The following CFAP20DC variants were observed in gnomAD, a reference collection of about 807,000 sequenced individuals.
CFAP20DC encodes CFAP20 domain containing.
Under a neutral mutation model 101.7 loss-of-function variants are expected in CFAP20DC, and 84 were observed. That is an observed-to-expected ratio of 0.83 (90% CI 0.69 to 0.99). The LOEUF (loss-of-function observed/expected upper bound fraction) is 0.99. Among genes scored for constraint, CFAP20DC ranks in the 50% least tolerant of loss-of-function variants. The probability of loss-of-function intolerance (pLI) is 0.00; values close to 1 mark genes in which losing one functional copy is unlikely to be tolerated. For synonymous variants in CFAP20DC, 359 were observed against 351.2 expected (o/e 1.02, Z -0.25); for missense variants, 1,007 against 970.3 (o/e 1.04, Z -0.50).
intron 3 of CFAP20DC, among the ~76,000 whole-genome samples, chr3:59,041,727 C>T (rs1699404930): frequency 6.6e-6 from 1 of 152,182 alleles, no homozygotes; most frequent in South Asian, 2.1e-4. Flanking sequence ...TTTTCTCCCA[C>T]TTCAACACAC....
intron 7 of CFAP20DC, among the ~76,000 whole-genome samples, chr3:58,871,901 AAT>A (rs1210111889): frequency 6.6e-6 from 1 of 152,056 alleles, no homozygotes; most frequent in Non-Finnish European, 1.5e-5. Context: ...CTCCCAGCAG[AAT>A]CCCCCATGCT....
At chr3:58,848,562 A>G (rs2077935688) in intron 13 of CFAP20DC, among the ~76,000 whole-genome samples, 1 of 152,168 alleles carries the variant, frequency 6.6e-6, no homozygotes, top group South Asian at 2.1e-4. Flanking sequence ...TTATTCGATG[A>G]CACTGTTTTA....
At chr3:58,969,656 TA>T (rs954689319) in intron 4 of CFAP20DC, among the ~76,000 whole-genome samples, 13 of 152,338 alleles carry the variant, frequency 8.5e-5, no homozygotes, top group African/African-American at 3.1e-4. Flanking sequence ...AATAAATCAC[TA>T]ATATCCATGT....
chr3:58,975,327 C>T (rs767397441), intron 4 of CFAP20DC, among the ~76,000 whole-genome samples: 1 of 152,142 alleles, frequency 6.6e-6, no homozygotes, highest in African/African-American at 2.4e-5. Flanking sequence ...TTTCTGTCTT[C>T]TCCTCCAGAA....
At chr3:58,843,801 T>C (rs1199134733) in intron 13 of CFAP20DC, among the ~76,000 whole-genome samples, 2 of 148,282 alleles carry the variant, frequency 1.3e-5, no homozygotes, top group African/African-American at 5.0e-5. Context: ...CCCATCAGAC[T>C]AACAGCGGAT....
chr3:58,988,063 AAACTC>A (rs1194541072), intron 4 of CFAP20DC, among the ~76,000 whole-genome samples: 1 of 152,116 alleles, frequency 6.6e-6, no homozygotes, highest in Non-Finnish European at 1.5e-5. Context: ...AAAGGAAAGA[AAACTC>A]AGTCTAACAA....
chr3:58,785,887 C>T (rs781780907), intron 15 of CFAP20DC, among the ~76,000 whole-genome samples: 1 of 152,088 alleles, frequency 6.6e-6, no homozygotes, highest in Non-Finnish European at 1.5e-5. Context: ...TTTAGGAGCT[C>T]AGAGATGGCC....
rs375567701 is a variant in CFAP20DC, at chr3:58,821,302, G to A, written c.2175+10384C>T. On this transcript the variant is annotated intron_variant, in intron 14 of 16. Transcript: ENST00000482387. ...AGACAAAATTGACAAATGGGATCTA[G>A]TTAAACTAAAGAGCTTCTGCACAGC... 8.6e-5 allele frequency among the ~76,000 whole-genome samples: 13 copies of A among 151,518 alleles called. No individual in the cohort carries two copies. The East Asian group carries it at 1.4e-3, about 16-fold the overall frequency.
Position 58,817,960 on chromosome 3 carries a change from G to A in CFAP20DC, c.2176-11504C>T, listed in dbSNP as rs1279385736. ...GGATCTCTCGGCAGAAACTCTACAAGCCAGAAGAGAGTGGGAGCCAATATT... is the reference window on the plus strand; with the variant it reads ...GGATCTCTCGGCAGAAACTCTACAAACCAGAAGAGAGTGGGAGCCAATATT... On this transcript the variant is annotated intron_variant, in intron 14 of 16. Transcript: ENST00000482387. 3.4e-4 allele frequency among the ~76,000 whole-genome samples: 51 copies of A among 150,474 alleles called. 1 individual carries two copies. Among genetic ancestry groups the A allele is most frequent in the Admixed American group, 1.3e-3 (19 of 15,190 alleles).
chr3:58,829,512 T>C (rs1394625597), intron 14 of CFAP20DC, among the ~76,000 whole-genome samples: 2 of 152,222 alleles, frequency 1.3e-5, no homozygotes, highest in African/African-American at 4.8e-5. Context: ...CATTAAGGAA[T>C]ACAATTTTCC....
At chr3:58,978,624 G>A (rs910531404) in intron 4 of CFAP20DC, among the ~76,000 whole-genome samples, 8 of 151,232 alleles carry the variant, frequency 5.3e-5, no homozygotes, top group Non-Finnish European at 1.2e-4. Flanking sequence ...CATGAGAATT[G>A]CTTGAACCTG....
At chr3:58,837,190 C>T (rs1363367106) in intron 13 of CFAP20DC, among the ~76,000 whole-genome samples, 1 of 152,186 alleles carries the variant, frequency 6.6e-6, no homozygotes, top group Non-Finnish European at 1.5e-5. Context: ...GACCAGATGG[C>T]TTCCCTTTCC....
rs1490045365 is a variant in CFAP20DC at position 58,799,190 on chromosome 3, C to G, written c.2237+7205G>C. ...CCTTCTGCAGCAGTGGCAACCCAAC[C>G]AGATTTCTAGCAAGTGGTACTCTGA... On this transcript the variant is annotated intron_variant, in intron 15 of 16. Transcript: ENST00000482387. The surrounding 1 kb of genome is among the most constrained non-coding windows in gnomAD (Gnocchi z 4.9). Among the ~76,000 whole-genome samples the G allele has an allele frequency of 6.6e-6, 1 of 152,034 alleles. No individual in the cohort carries two copies. The highest frequency in any genetic ancestry group is 1.5e-5 in the Non-Finnish European group (1 of 68,018).
chr3:58,862,694 G>A (rs2079349714), intron 12 of CFAP20DC: 1 of 974,508 alleles, frequency 1.0e-6, no homozygotes, highest in Non-Finnish European at 1.2e-6. Context: ...TATTTTGTGG[G>A]CACATATAAA....
rs1208109532 is a variant in CFAP20DC at position 58,868,979 on chromosome 3, T to C, written c.1015+349A>G. 6.6e-6 allele frequency among the ~76,000 whole-genome samples: 1 copy of C among 152,136 alleles called. No individual in the cohort carries two copies. Among genetic ancestry groups the C allele is most frequent in the Non-Finnish European group, 1.5e-5 (1 of 68,014 alleles). ...GAGAAAAGAAAGAGTACCTTACAAA[T>C]GGAAGAGATTAATTAAAAGATAATA... On this transcript the variant is annotated intron_variant, in intron 9 of 16. Transcript: ENST00000482387. The surrounding 1 kb of genome is among the most constrained non-coding windows in gnomAD (Gnocchi z 4.6).
intron 4 of CFAP20DC, among the ~76,000 whole-genome samples, chr3:59,005,102 G>A (rs996648494): frequency 6.6e-6 from 1 of 152,116 alleles, no homozygotes; most frequent in Non-Finnish European, 1.5e-5. Flanking sequence ...CCAACAAAAT[G>A]AGGCAGAAGG....
chr3:59,036,659 G>A (rs947718292), intron 4 of CFAP20DC, among the ~76,000 whole-genome samples: 1 of 152,074 alleles, frequency 6.6e-6, no homozygotes, highest in Non-Finnish European at 1.5e-5. Flanking sequence ...ACAAACAAAT[G>A]GAAAAACATC....
chr3:58,937,484 T>G (rs765907486), intron 5 of CFAP20DC, among the ~76,000 whole-genome samples, 164 bp downstream of exon 5: 1 of 152,216 alleles, frequency 6.6e-6, no homozygotes, highest in African/African-American at 2.4e-5. Flanking sequence ...TTATTCCACT[T>G]AGATGTTAAG....
chr3:59,039,682 T>G lies in CFAP20DC; in HGVS notation c.206-53A>C, dbSNP rs1009182253. On this transcript the variant is annotated intron_variant, in intron 3 of 16. Transcript: ENST00000482387. ...AATGTTCGAAGCATTTATATGTGCA[T>G]ATAAACAAACACAATCACAAACCAC... 1.2e-5 allele frequency: 14 copies of G among 1,131,786 alleles called. No homozygotes were observed. In the Admixed American group the frequency reaches 3.4e-4, roughly 27 times the overall value. The allele number at this position is 1,131,786 out of a possible 1,614,324, so 70.1% of individuals were successfully genotyped here.
Sources: allele counts gnomAD v4.1 joint callset (sites outside exome capture counted in the v4.1 genomes callset), GRCh38; gene constraint gnomAD v4.1.1; non-coding constraint Gnocchi (gnomAD v3.1); transcripts MANE v1.5; gene names NCBI Gene and HGNC (gene_info 2026-07-23, HGNC 2026-07-21).